CCBE1: variants seen among roughly 807,000 people sequenced by gnomAD.
The protein encoded by CCBE1 is collagen and calcium binding EGF domains 1, also known as collagen and calcium-binding EGF domain-containing protein 1.
CCBE1 carries 37 observed loss-of-function variants against 50.0 expected under a neutral mutation model. The ratio of observed to expected loss-of-function variants is 0.74; its 90% confidence interval spans 0.57 to 0.97. CCBE1 has a LOEUF of 0.97. CCBE1 is among the 50% of genes least tolerant of loss of function. CCBE1 has a pLI of 0.00. For synonymous variants in CCBE1, 234 were observed against 203.7 expected (o/e 1.15, Z -1.27); for missense variants, 538 against 523.8 (o/e 1.03, Z -0.26).
intron 2 of CCBE1, among the ~76,000 whole-genome samples, chr18:59,679,752 G>A (rs967717981): frequency 6.6e-6 from 1 of 152,202 alleles, no homozygotes; most frequent in East Asian, 1.9e-4. Flanking sequence ...ACAGCCTCAG[G>A]AGGTCCTGAC....
At chr18:59,518,013 T>TG (rs1450565650) in intron 2 of CCBE1, among the ~76,000 whole-genome samples, 10 of 152,132 alleles carry the variant, frequency 6.6e-5, no homozygotes, top group African/African-American at 2.2e-4. Context: ...TCTGGGAAGT[T>TG]GGGGGCGGAG....
At chr18:59,553,022 G>A (rs1283537899) in intron 2 of CCBE1, among the ~76,000 whole-genome samples, 2 of 152,046 alleles carry the variant, frequency 1.3e-5, no homozygotes, top group Admixed American at 1.3e-4. Context: ...CTTCTTTTAT[G>A]GTGTAAGAGG....
chr18:59,514,650 A>G (rs1294556000), intron 2 of CCBE1, among the ~76,000 whole-genome samples: 2 of 150,858 alleles, frequency 1.3e-5, no homozygotes, highest in Admixed American at 1.3e-4. Flanking sequence ...TCCTTGAAAA[A>G]AAAAAAAAAA....
chr18:59,643,357 T>C (rs1483445063), intron 2 of CCBE1, among the ~76,000 whole-genome samples: 1 of 152,248 alleles, frequency 6.6e-6, no homozygotes, highest in Non-Finnish European at 1.5e-5. Context: ...TAGTGGGACT[T>C]CAAAGAGTGT....
intron 5 of CCBE1, chr18:59,459,231 C>G (rs1250407385): frequency 6.6e-6 from 1 of 152,196 alleles, no homozygotes; most frequent in African/African-American, 2.4e-5. Context: ...ATCACCTTTT[C>G]AATACAGCTC....
At chr18:59,482,597 T>C (rs1393303013) in intron 2 of CCBE1, among the ~76,000 whole-genome samples, 5 of 152,230 alleles carry the variant, frequency 3.3e-5, no homozygotes, top group Admixed American at 2.6e-4. Flanking sequence ...ATAATGCATG[T>C]AGTTGCAATA....
chr18:59,690,514 A>G (rs1176239469), intron 2 of CCBE1, among the ~76,000 whole-genome samples: 1 of 152,202 alleles, frequency 6.6e-6, no homozygotes, highest in Non-Finnish European at 1.5e-5. Flanking sequence ...ATTGAAATGC[A>G]AGCCTTCTCC....
intron 2 of CCBE1, among the ~76,000 whole-genome samples, chr18:59,639,302 C>CAA (rs2053954348): frequency 6.6e-6 from 1 of 152,214 alleles, no homozygotes; most frequent in Non-Finnish European, 1.5e-5. Context: ...CCACCATGAT[C>CAA]AAGTAGGTTT....
At position 59,449,495 on chromosome 18, in the gene CCBE1, G is replaced by A. The variant is rs139435484; in HGVS notation, c.655-1392C>T. ...AAATTAGCTAGGCATGGTGGTGCAC[G>A]CCTGTAGTCCCGGCTACTTGGGAGG... On this transcript the variant is annotated intron_variant, in intron 6 of 10. Coordinates refer to ENST00000439986, the MANE Select transcript of CCBE1 (RefSeq NM_133459.4). Among the ~76,000 whole-genome samples, 1,489 of 152,128 alleles carry A rather than the reference G, an allele frequency of 9.8e-3. 75 individuals carry two copies. The East Asian group carries it at 0.15, about 16-fold the overall frequency.
chr18:59,443,626 C>A (rs1196052465), intron 7 of CCBE1, among the ~76,000 whole-genome samples: 1 of 137,882 alleles, frequency 7.3e-6, no homozygotes, highest in Non-Finnish European at 1.6e-5. Flanking sequence ...ACCACCACCC[C>A]CGGCTAATTT....
chr18:59,590,082 A>C (rs1213154867), intron 2 of CCBE1, among the ~76,000 whole-genome samples: 4 of 152,188 alleles, frequency 2.6e-5, no homozygotes, highest in Non-Finnish European at 4.4e-5. Flanking sequence ...GTGAAACGCG[A>C]ATTTCCACTA....
intron 2 of CCBE1, among the ~76,000 whole-genome samples, chr18:59,596,050 T>C (rs1053421048): frequency 1.3e-5 from 2 of 152,250 alleles, no homozygotes; most frequent in Non-Finnish European, 2.9e-5. Context: ...TTTAATTCTA[T>C]AAACAAATCC....
chr18:59,472,787 T>A lies in CCBE1; in HGVS notation c.266-3180A>T, dbSNP rs182389673. On this transcript the variant is annotated intron_variant, in intron 3 of 10. Transcript: ENST00000439986. The stretch of plus-strand genomic sequence containing the variant: ...TAATAAAGACATAGCTGAGACTAGG[T>A]AATTTATAAAGGAAAGAGGTTTAAC... Among the ~76,000 whole-genome samples, 6 of 152,266 alleles carry A rather than the reference T, an allele frequency of 3.9e-5. No homozygotes were observed. The East Asian group carries it at 1.2e-3, about 29-fold the overall frequency.
intron 2 of CCBE1, among the ~76,000 whole-genome samples, chr18:59,627,095 T>A (rs1406292665): frequency 2.0e-5 from 3 of 152,208 alleles, no homozygotes; most frequent in African/African-American, 7.2e-5. Flanking sequence ...CATAAAAATA[T>A]AAAACAATCC....
intron 2 of CCBE1, among the ~76,000 whole-genome samples, chr18:59,649,117 A>G (rs1319057760): frequency 1.3e-5 from 2 of 152,236 alleles, no homozygotes; most frequent in South Asian, 2.1e-4. Flanking sequence ...AACAGTGGAC[A>G]GAAAGCATCC....
chr18:59,528,027 T>C (rs1216572292), intron 2 of CCBE1, among the ~76,000 whole-genome samples: 1 of 152,208 alleles, frequency 6.6e-6, no homozygotes, highest in Non-Finnish European at 1.5e-5. Flanking sequence ...TTGGCCTATC[T>C]TGCTAGGTTG....
In CCBE1 at chr18:59,547,057, G is replaced by C. The variant is rs6567101; in HGVS notation, c.213-66819C>G. ...AGAAAGAGAGGGGGAGAGAGGGGGAGAGAGGGGGAGAGAGGGGGAGAGAAA... is the reference window on the plus strand; with the variant it reads ...AGAAAGAGAGGGGGAGAGAGGGGGACAGAGGGGGAGAGAGGGGGAGAGAAA... On this transcript the variant is annotated intron_variant, in intron 2 of 10. Coordinates refer to ENST00000439986, the MANE Select transcript of CCBE1 (RefSeq NM_133459.4). Among the ~76,000 whole-genome samples the C allele has an allele frequency of 4.9e-3, 319 of 64,826 alleles. 2 individuals are homozygous for C. Among genetic ancestry groups the C allele is most frequent in the South Asian group, 0.012 (17 of 1,402 alleles). The allele number at this position is 64,826 out of a possible 152,430, so 42.5% of individuals were successfully genotyped here.
chr18:59,573,825 G>T (rs1478885093), intron 2 of CCBE1, among the ~76,000 whole-genome samples: 1 of 152,068 alleles, frequency 6.6e-6, no homozygotes, highest in African/African-American at 2.4e-5. Flanking sequence ...ATTCCATTTG[G>T]TATATTAAAT....
chr18:59,626,478 T>C (rs1033720723), intron 2 of CCBE1, among the ~76,000 whole-genome samples: 1 of 152,268 alleles, frequency 6.6e-6, no homozygotes, highest in Non-Finnish European at 1.5e-5. Context: ...TATGTAGCCC[T>C]GGCACTGATT....
Sources: allele counts gnomAD v4.1 joint callset (sites outside exome capture counted in the v4.1 genomes callset), GRCh38; gene constraint gnomAD v4.1.1; transcripts MANE v1.5; gene names NCBI Gene and HGNC (gene_info 2026-07-23, HGNC 2026-07-21).